LAMC2: variants seen among roughly 807,000 people sequenced by gnomAD.
LAMC2 encodes the protein laminin subunit gamma-2.
LAMC2 carries 97 observed loss-of-function variants against 140.2 expected under a neutral mutation model. The ratio of observed to expected loss-of-function variants is 0.69; its 90% CI spans 0.59 to 0.82. LAMC2 has a LOEUF of 0.82. Among genes scored for constraint, LAMC2 ranks in the 40% least tolerant of loss-of-function variants. The pLI is 0.00. For synonymous variants in LAMC2, 513 were observed against 540.2 expected (o/e 0.95, Z 0.70); for missense variants, 1,402 against 1,476.1 (o/e 0.95, Z 0.82).
In LAMC2 at chr1:183,227,676, A is replaced by G; in HGVS notation, c.1447A>G (p.Asn483Asp). 1.9e-6 allele frequency: 3 copies of G among 1,614,186 alleles called. No homozygotes were observed. Among genetic ancestry groups the G allele is most frequent in the African/African-American group, 1.3e-5 (1 of 75,036 alleles). The change falls in exon 10 of 23, where the codon AAC becomes GAC. Residue 483 changes from asparagine to aspartate, a missense_variant. Coordinates refer to ENST00000264144, the MANE Select transcript of LAMC2 (RefSeq NM_005562.3). ...GGAGACGGAGGAGGTGGTGTGCAAT[A>G]ACTGCCCTCCCGGGGTCACCGGTAA... ...MPETEEVVCN[N>D]CPPGVTGARC...
At chr1:183,252,334 C>T in the LAMC2 span, 1 of 337,622 alleles carries the variant, frequency 3.0e-6, no homozygotes, top group Admixed American at 4.3e-5. Flanking sequence ...GGATGGGCAC[C>T]AGAGCCGCCT....
At chr1:183,229,006 G>A (rs1659720182) in intron 11 of LAMC2, among the ~76,000 whole-genome samples, 1 of 152,208 alleles carries the variant, frequency 6.6e-6, no homozygotes, top group African/African-American at 2.4e-5. Flanking sequence ...GCAAACTCAA[G>A]TGGGAAGGGG....
Position 183,243,497 on chromosome 1 carries a change from C to G in LAMC2, c.*97C>G. 2 of 1,467,542 alleles carry G rather than the reference C, an allele frequency of 1.4e-6. No individual in the cohort carries two copies. Among genetic ancestry groups the G allele is most frequent in the African/African-American group, 1.4e-5 (1 of 71,924 alleles). 90.9% of individuals were successfully genotyped at this position (1,467,542 alleles called of 1,614,324 possible). Reference sequence around the variant, plus strand: ...AGTGGGTGGGATGGGGACATTTGAACATGTTTAATGGGTATGCTCAGGTCA... The same window carrying G: ...AGTGGGTGGGATGGGGACATTTGAAGATGTTTAATGGGTATGCTCAGGTCA... On this transcript the variant is annotated 3_prime_UTR_variant, in exon 23 of 23. Coordinates refer to ENST00000264144, the MANE Select transcript of LAMC2 (RefSeq NM_005562.3).
chr1:183,220,196 G>A (rs6673920), intron 4 of LAMC2, among the ~76,000 whole-genome samples: 28,957 of 152,080 alleles, frequency 0.19, 3,074 homozygotes, highest in African/African-American at 0.27. Context: ...GGTTCTTATA[G>A]AAGCCACTGG....
intron 11 of LAMC2, among the ~76,000 whole-genome samples, chr1:183,229,195 C>T (rs902113825): frequency 7.2e-5 from 11 of 152,144 alleles, no homozygotes; most frequent in African/African-American, 2.4e-4. Flanking sequence ...TCTTGCCCAG[C>T]GTTTCTTTCA....
At chr1:183,200,676 G>A (rs986956352) in intron 1 of LAMC2, among the ~76,000 whole-genome samples, 10 of 152,068 alleles carry the variant, frequency 6.6e-5, no homozygotes, top group Non-Finnish European at 1.2e-4. Context: ...TTGGAGCTGC[G>A]TGTTTTAGTG....
intron 16 of LAMC2, 101 bp downstream of exon 16, chr1:183,235,831 A>G: frequency 8.3e-7 from 1 of 1,209,378 alleles, no homozygotes; most frequent in Non-Finnish European, 1.2e-6. Flanking sequence ...TGTAAAAAAC[A>G]TATTATTAAT....
intron 3 of LAMC2, among the ~76,000 whole-genome samples, chr1:183,217,004 G>A (rs541086462): frequency 2.0e-4 from 31 of 152,202 alleles, no homozygotes; most frequent in Non-Finnish European, 3.2e-4. Context: ...CAGATAAGCA[G>A]TAGAGAGGGA....
chr1:183,208,116 G>C (rs1296535396), intron 2 of LAMC2, 47 bp downstream of exon 2: 1 of 1,488,784 alleles, frequency 6.7e-7, no homozygotes, highest in Non-Finnish European at 9.4e-7. Context: ...GAGCAGTGGG[G>C]AGACAAGAGG....
chr1:183,196,359 A>G (rs1571501437), intron 1 of LAMC2, among the ~76,000 whole-genome samples: 1 of 151,450 alleles, frequency 6.6e-6, no homozygotes, highest in South Asian at 2.1e-4. Context: ...CTGGTCTCAA[A>G]CTCCTGATCT....
At chr1:183,252,722 G>A in the LAMC2 span, 188 of 1,613,862 alleles carry the variant, frequency 1.2e-4, 2 homozygotes, top group South Asian at 1.9e-3. Flanking sequence ...CAACATGGCC[G>A]TCCCCATGCT....
At chr1:183,256,408 CA>C in the LAMC2 span, among the ~76,000 whole-genome samples, 1 of 151,450 alleles carries the variant, frequency 6.6e-6, no homozygotes, top group Non-Finnish European at 1.5e-5. Flanking sequence ...GACTCCATCT[CA>C]AAAAAAATAA....
intron 14 of LAMC2, among the ~76,000 whole-genome samples, chr1:183,233,505 TG>T (rs938234504): frequency 2.8e-4 from 43 of 152,250 alleles, no homozygotes; most frequent in African/African-American, 9.6e-4. Context: ...AATGGATGGG[TG>T]GGAGATGAAT....
At chr1:183,243,024 GTATACTA>G in intron 22 of LAMC2, 116 bp from the exon 23 acceptor site, 1 of 1,019,480 alleles carries the variant, frequency 9.8e-7, no homozygotes, top group Admixed American at 2.0e-5. Flanking sequence ...AAAATTCATG[GTATACTA>G]TTTGCTCTAG....
chr1:183,222,010 G>C, intron 5 of LAMC2, 79 bp from the exon 6 acceptor site: 1 of 1,585,274 alleles, frequency 6.3e-7, no homozygotes, highest in Non-Finnish European at 8.7e-7. Context: ...AGGACTTGTC[G>C]GCAAGCAAAT....
chr1:183,217,352 C>CACAAACAAACAA (rs112773271), intron 3 of LAMC2, among the ~76,000 whole-genome samples: 10 of 150,934 alleles, frequency 6.6e-5, no homozygotes, highest in Admixed American at 1.3e-4. Flanking sequence ...AAAATCTTGC[C>CACAAACAAACAA]ACAAACAAAC....
At chr1:183,258,698 A>G in the LAMC2 span, among the ~76,000 whole-genome samples, 1 of 152,110 alleles carries the variant, frequency 6.6e-6, no homozygotes. Context: ...TGCTCCTAAG[A>G]TCAGTGTTTG....
At chr1:183,188,086 A>G (rs1658210418) in intron 1 of LAMC2, among the ~76,000 whole-genome samples, 1 of 152,192 alleles carries the variant, frequency 6.6e-6, no homozygotes, top group African/African-American at 2.4e-5. Context: ...TAGGATTCTC[A>G]CTTCTTAAAG....
Position 183,239,582 on chromosome 1 carries a change from G to A in LAMC2, c.3069+19G>A. On this transcript the variant is annotated intron_variant, in intron 20 of 22. Transcript: ENST00000264144. The stretch of plus-strand genomic sequence containing the variant: ...TGAACAGGTAAAGAGAAATCGACAT[G>A]TGTGTTGGTGCCAGTAGCACCAAAC... The A allele has an allele frequency of 4.4e-6, 7 of 1,601,080 alleles. No homozygotes were observed. The highest frequency in any genetic ancestry group is 6.0e-6 in the Non-Finnish European group (7 of 1,169,830).
Sources: allele counts gnomAD v4.1 joint callset (sites outside exome capture counted in the v4.1 genomes callset), GRCh38; gene constraint gnomAD v4.1.1; transcripts MANE v1.5; gene names NCBI Gene and HGNC (gene_info 2026-07-23, HGNC 2026-07-21).